WWOX: variants seen among roughly 807,000 people sequenced by gnomAD.
WWOX encodes the protein WW domain containing oxidoreductase, also known as WW domain-containing oxidoreductase.
A neutral mutation model predicts 46.2 loss-of-function variants in WWOX; 69 were observed. That is an observed-to-expected ratio of 1.49 (90% CI 1.23 to 1.82). The LOEUF (loss-of-function observed/expected upper bound fraction) is 1.82. Ranked by LOEUF, WWOX falls within the 40% of genes most tolerant of loss-of-function variation. The probability of loss-of-function intolerance (pLI) is 0.00; values close to 1 mark genes in which losing one functional copy is unlikely to be tolerated. For synonymous variants in WWOX, 359 were observed against 202.6 expected (o/e 1.77, Z -6.56); for missense variants, 919 against 542.6 (o/e 1.69, Z -6.89).
rs533698961 is a variant in WWOX, at chr16:79,031,057, C to G, written c.1057-180551C>G. 1.2e-3 allele frequency among the ~76,000 whole-genome samples: 172 copies of G among 147,768 alleles called. 1 individual carries two copies. The highest frequency in any genetic ancestry group is 1.7e-3 in the Non-Finnish European group (118 of 67,506). ...GCAGTGAGCCGAGATCGAGTCACTGCACTCCAGCCTGGACAACAGAGTGAG... is the reference window on the plus strand; with the variant it reads ...GCAGTGAGCCGAGATCGAGTCACTGGACTCCAGCCTGGACAACAGAGTGAG... On this transcript the variant is annotated intron_variant, in intron 8 of 8. Transcript: ENST00000566780.
intron 5 of WWOX, among the ~76,000 whole-genome samples, chr16:78,336,101 AAAAC>A (rs1325509325): frequency 3.9e-5 from 6 of 152,048 alleles, no homozygotes; most frequent in Admixed American, 3.3e-4. Context: ...CAAAAAACGA[AAAAC>A]AAAAAAAACC....
chr16:78,990,840 C>T (rs1178847620), intron 8 of WWOX, among the ~76,000 whole-genome samples: 1 of 152,196 alleles, frequency 6.6e-6, no homozygotes, highest in Non-Finnish European at 1.5e-5. Flanking sequence ...GAATTTGTCT[C>T]TGTGTTCACT....
intron 8 of WWOX, among the ~76,000 whole-genome samples, chr16:78,908,505 A>T (rs999178065): frequency 2.0e-5 from 3 of 149,240 alleles, no homozygotes; most frequent in Non-Finnish European, 3.0e-5. Flanking sequence ...ACACCACTGC[A>T]CTCCAGCCTG....
At chr16:78,832,120 G>A (rs184572500) in intron 8 of WWOX, among the ~76,000 whole-genome samples, 1 of 152,168 alleles carries the variant, frequency 6.6e-6, no homozygotes, top group African/African-American at 2.4e-5. Flanking sequence ...TTCTAGCTCA[G>A]GGTCTTTTCT....
intron 8 of WWOX, among the ~76,000 whole-genome samples, chr16:78,598,593 C>A (rs1436062057): frequency 6.6e-6 from 1 of 152,128 alleles, no homozygotes; most frequent in Non-Finnish European, 1.5e-5. Context: ...CGCCAACACA[C>A]CTCCTGGCTT....
At chr16:78,644,444 C>G (rs80324634) in intron 8 of WWOX, among the ~76,000 whole-genome samples, 8,665 of 151,600 alleles carry the variant, frequency 0.057, 343 homozygotes, top group South Asian at 0.17. Context: ...TATTTTCAAA[C>G]CAAAAACCTG....
chr16:79,055,048 G>A (rs1045142164), intron 8 of WWOX, among the ~76,000 whole-genome samples: 3 of 152,058 alleles, frequency 2.0e-5, no homozygotes, highest in African/African-American at 4.8e-5. Context: ...TATATATTTC[G>A]TCAGAGACCT....
chr16:78,562,885 G>C (rs1567646579), intron 8 of WWOX, among the ~76,000 whole-genome samples: 1 of 152,154 alleles, frequency 6.6e-6, no homozygotes, highest in East Asian at 1.9e-4. Flanking sequence ...CTCCACGATG[G>C]GGAGGTGACA....
At chr16:78,950,529 CACAT>C (rs987296039) in intron 8 of WWOX, among the ~76,000 whole-genome samples, 87 of 83,724 alleles carry the variant, frequency 1.0e-3, no homozygotes, top group Non-Finnish European at 1.4e-3. Context: ...CACACACACA[CACAT>C]ACACACACAC....
chr16:78,951,662 A>G (rs1371461880), intron 8 of WWOX, among the ~76,000 whole-genome samples: 1 of 152,198 alleles, frequency 6.6e-6, no homozygotes, highest in Non-Finnish European at 1.5e-5. Context: ...TTTTAGGATC[A>G]TTGCCAGTGG....
chr16:78,914,363 G>T (rs1436261718), intron 8 of WWOX, among the ~76,000 whole-genome samples: 1 of 152,060 alleles, frequency 6.6e-6, no homozygotes, highest in Non-Finnish European at 1.5e-5. Flanking sequence ...CTGGCATATA[G>T]GATGAGCTTC....
chr16:78,876,540 A>T (rs548418433), intron 8 of WWOX, among the ~76,000 whole-genome samples: 1 of 151,042 alleles, frequency 6.6e-6, no homozygotes, highest in East Asian at 1.9e-4. Context: ...GAAGTTTCTC[A>T]TTCGCCCCTT....
intron 8 of WWOX, among the ~76,000 whole-genome samples, chr16:78,675,701 G>A (rs940233402): frequency 1.3e-5 from 2 of 152,114 alleles, no homozygotes; most frequent in South Asian, 2.1e-4. Context: ...CTGGCCAGGC[G>A]CAGTGGCTCA....
chr16:78,769,920 G>T, intron 8 of WWOX, among the ~76,000 whole-genome samples: 1 of 151,964 alleles, frequency 6.6e-6, no homozygotes, highest in Non-Finnish European at 1.5e-5. Context: ...TGGAGCATGT[G>T]GGGGTCCCAG....
chr16:78,742,779 G>A (rs978621635), intron 8 of WWOX, among the ~76,000 whole-genome samples: 2 of 152,132 alleles, frequency 1.3e-5, no homozygotes, highest in Non-Finnish European at 2.9e-5. Flanking sequence ...CAACTCTTTT[G>A]TATCTGATGT....
chr16:78,741,541 G>T (rs1020183481), intron 8 of WWOX, among the ~76,000 whole-genome samples: 2 of 152,036 alleles, frequency 1.3e-5, no homozygotes, highest in Non-Finnish European at 2.9e-5. Context: ...CTGGGCGACA[G>T]AGTGAGACTG....
intron 8 of WWOX, among the ~76,000 whole-genome samples, chr16:78,529,042 C>T (rs1432077166): frequency 1.3e-5 from 2 of 151,178 alleles, no homozygotes; most frequent in African/African-American, 4.9e-5. Flanking sequence ...TAGCCTTGAC[C>T]TCTCTGGCTC....
At chr16:78,386,988 G>A (rs765467892) in intron 6 of WWOX, 40 bp downstream of exon 6, 2 of 1,578,956 alleles carry the variant, frequency 1.3e-6, no homozygotes, top group South Asian at 2.2e-5. Context: ...ATAATTTCTT[G>A]CTATTGTAAT....
chr16:79,009,557 T>G (rs1005388092), intron 8 of WWOX, among the ~76,000 whole-genome samples: 1 of 151,938 alleles, frequency 6.6e-6, no homozygotes, highest in African/African-American at 2.4e-5. Flanking sequence ...AACCTCTGCC[T>G]CCTGGGTTCA....
Sources: allele counts gnomAD v4.1 joint callset (sites outside exome capture counted in the v4.1 genomes callset), GRCh38; gene constraint gnomAD v4.1.1; transcripts MANE v1.5; gene names NCBI Gene and HGNC (gene_info 2026-07-23, HGNC 2026-07-21).